Variants in CHD1 observed in about 807,000 individuals in gnomAD.
CHD1 encodes ATP-dependent chromatin remodeler CHD1.
A neutral mutation model predicts 224.2 loss-of-function variants in CHD1; 36 were observed. The observed-to-expected ratio is 0.16, with a 90% CI of 0.12 to 0.21. The LOEUF (loss-of-function observed/expected upper bound fraction) is 0.21. Among genes scored for constraint, CHD1 ranks in the 10% least tolerant of loss-of-function variants. The probability of loss-of-function intolerance (pLI) is 1.00; values close to 1 mark genes in which losing one functional copy is unlikely to be tolerated. For synonymous variants in CHD1, 668 were observed against 658.3 expected, an observed-to-expected ratio of 1.01 and a Z score of -0.23; for missense variants, 1,378 against 1,994.8, an observed-to-expected ratio of 0.69 and a Z score of 5.89.
chr5:98,871,710 T>C (rs1004695109), intron 28 of CHD1, among the ~76,000 whole-genome samples: 2 of 152,216 alleles, frequency 1.3e-5, no homozygotes, highest in Admixed American at 6.5e-5. Flanking sequence ...ATATATTATA[T>C]GATTGTATCA....
At chr5:98,915,640 TACA>T (rs771804381) in intron 2 of CHD1, among the ~76,000 whole-genome samples, 2 of 152,176 alleles carry the variant, frequency 1.3e-5, no homozygotes, top group Non-Finnish European at 2.9e-5. Flanking sequence ...AATTTATAGT[TACA>T]ACAACAAGGC....
chr5:98,867,558 A>ATGTGTG (rs71226948), intron 31 of CHD1, among the ~76,000 whole-genome samples: 2,314 of 150,942 alleles, frequency 0.015, 50 homozygotes, highest in African/African-American at 0.054. Flanking sequence ...ACTATTACAC[A>ATGTGTG]TGTGTGTGTG....
chr5:98,881,909 G>T, intron 20 of CHD1, 66 bp downstream of exon 20: 1 of 1,365,970 alleles, frequency 7.3e-7, no homozygotes, highest in Non-Finnish European at 1.0e-6. Flanking sequence ...CTACAGTGAT[G>T]TAACATATCA....
intron 25 of CHD1, among the ~76,000 whole-genome samples, chr5:98,874,150 A>C (rs1749569090): frequency 1.3e-5 from 2 of 152,180 alleles, no homozygotes; most frequent in Non-Finnish European, 2.9e-5. Context: ...CAAGTATTTC[A>C]TTATATTTTA....
chr5:98,892,448 G>A, intron 15 of CHD1, 77 bp downstream of exon 15: 1 of 1,015,748 alleles, frequency 9.8e-7, no homozygotes, highest in Non-Finnish European at 1.4e-6. Flanking sequence ...GAGAAGGTGG[G>A]GGCACCAAAA....
rs1273152232 is a variant in CHD1, at chr5:98,873,647, G to T, written c.3517C>A (p.His1173Asn). 7.5e-6 allele frequency: 12 copies of T among 1,610,190 alleles called. No individual in the cohort carries two copies. Among genetic ancestry groups the T allele is most frequent in the Non-Finnish European group, 1.0e-5 (12 of 1,178,302 alleles). The change falls in exon 26 of 36, where the codon CAT becomes AAT. Residue 1173 changes from histidine to asparagine, a missense_variant. By Grantham distance (68) the His-to-Asn change is moderately conservative. Around this residue, in one of 16 missense-constraint regions of CHD1, gnomAD observed 286 missense variants for 445.1 expected, o/e 0.64. Coordinates refer to ENST00000614616, the MANE Select transcript of CHD1 (RefSeq NM_001270.4). Reference protein sequence around the residue: ...TDLRRLGELVHNGCIKALKDS... With the variant: ...TDLRRLGELVNNGCIKALKDS... Reference sequence around the variant, plus strand: ...TTTAATGCTTTAATGCAACCATTATGTACCAATTCTCCCAGTCGTCTAAGG... The same window carrying T: ...TTTAATGCTTTAATGCAACCATTATTTACCAATTCTCCCAGTCGTCTAAGG...
At chr5:98,870,885 A>AAT in intron 28 of CHD1, 82 bp from the exon 29 acceptor site, 7 of 748,494 alleles carry the variant, frequency 9.4e-6, no homozygotes, top group South Asian at 1.7e-5. Flanking sequence ...TAACCATTTA[A>AAT]ATATATATAT....
At chr5:98,902,252 AAGAT>A (rs1751767713) in intron 5 of CHD1, among the ~76,000 whole-genome samples, 1 of 152,116 alleles carries the variant, frequency 6.6e-6, no homozygotes, top group Non-Finnish European at 1.5e-5. Flanking sequence ...TTCAGAATAA[AAGAT>A]AGAACAGACT....
intron 28 of CHD1, 29 bp from the exon 29 acceptor site, chr5:98,870,832 G>T: frequency 1.4e-6 from 2 of 1,403,822 alleles, no homozygotes; most frequent in Non-Finnish European, 2.0e-6. Context: ...TTTTCAGATT[G>T]TCTTAATAAA....
intron 2 of CHD1, 61 bp downstream of exon 2, chr5:98,926,273 A>G (rs1753451661): frequency 9.6e-7 from 1 of 1,046,158 alleles, no homozygotes; most frequent in Non-Finnish European, 1.4e-6. Context: ...AACAATAAAG[A>G]AAAAAGTCAA....
At chr5:98,908,236 C>T (rs73153576) in intron 2 of CHD1, among the ~76,000 whole-genome samples, 315 of 152,166 alleles carry the variant, frequency 2.1e-3, no homozygotes, top group African/African-American at 7.3e-3. Context: ...TGCCTTTGTA[C>T]CATTCCTTCT....
At chr5:98,880,998 GATTA>G in intron 22 of CHD1, 74 bp downstream of exon 22, 3 of 847,544 alleles carry the variant, frequency 3.5e-6, no homozygotes, top group Non-Finnish European at 5.8e-6. Flanking sequence ...CTTAAAGAAA[GATTA>G]ACAAACCACT....
At chr5:98,874,537 T>TA (rs70984332) in intron 25 of CHD1, among the ~76,000 whole-genome samples, 1,318 of 88,242 alleles carry the variant, frequency 0.015, 12 homozygotes, top group Non-Finnish European at 0.018. Context: ...CCGTCTCTAC[T>TA]AAAAAAAAAA....
chr5:98,860,253 A>C (rs1748365399), intron 32 of CHD1, 185 bp from the exon 33 acceptor site: 1 of 572,924 alleles, frequency 1.7e-6, no homozygotes, highest in Non-Finnish European at 3.3e-6. Flanking sequence ...CTAAGACTCC[A>C]GTGAAACTAA....
intron 2 of CHD1, among the ~76,000 whole-genome samples, chr5:98,911,176 T>TATATATATATATAGAGAG (rs1561540185): frequency 8.1e-6 from 1 of 122,974 alleles, no homozygotes; most frequent in Non-Finnish European, 1.7e-5. Context: ...TATATATATA[T>TATATATATATATAGAGAG]AGAGGCATGT....
intron 2 of CHD1, among the ~76,000 whole-genome samples, chr5:98,917,980 T>C (rs1752848013): frequency 1.3e-5 from 2 of 152,298 alleles, no homozygotes; most frequent in South Asian, 4.1e-4. Context: ...ACGTGGGGAA[T>C]ACAGTCCCCA....
rs976413675 is a variant in CHD1 at position 98,899,736 on chromosome 5, T to C, written c.860-31A>G. On this transcript the variant is annotated intron_variant, in intron 7 of 35. Transcript: ENST00000614616. ...AACAAAAGCACAAGATCCTTCCATG[T>C]AATTAATTCTGTTGTAGGATTATAT... 2.1e-6 allele frequency: 3 copies of C among 1,457,122 alleles called. No individual in the cohort carries two copies. The African/African-American group carries it at 4.2e-5, about 20-fold the overall frequency. 90.3% of individuals were successfully genotyped at this position (1,457,122 alleles called of 1,614,324 possible).
chr5:98,883,253 T>C lies in CHD1; in HGVS notation c.2569-16A>G, dbSNP rs375531430. On this transcript the variant is annotated splice_polypyrimidine_tract_variant and intron_variant, in intron 18 of 35. Transcript: ENST00000614616. ...AGCAAAAATCCTGTAAGAAATTGAATAATCAAAATGAAAAATTTTTCAATT... is the reference window on the plus strand; with the variant it reads ...AGCAAAAATCCTGTAAGAAATTGAACAATCAAAATGAAAAATTTTTCAATT... 4.4e-5 allele frequency: 69 copies of C among 1,557,036 alleles called. No homozygotes were observed. The highest frequency in any genetic ancestry group is 1.5e-4 in the Admixed American group (7 of 46,792).
At chr5:98,923,907 C>T (rs182763193) in intron 2 of CHD1, among the ~76,000 whole-genome samples, 1 of 152,212 alleles carries the variant, frequency 6.6e-6, no homozygotes, top group African/African-American at 2.4e-5. Context: ...TAGTTTGGTT[C>T]CTTTGTTTCC....
Sources: gnomAD v4.1 joint callset for allele counts (sites outside exome capture counted in the v4.1 genomes callset) on GRCh38, gnomAD v4.1.1 for gene constraint, gnomAD v4.1.1 regional missense constraint, MANE v1.5 for transcripts, NCBI Gene and HGNC (gene_info 2026-07-23, HGNC 2026-07-21) for gene names.